The following PARP4 variants were observed in gnomAD, a reference collection of about 807,000 sequenced individuals.
PARP4 encodes the protein protein mono-ADP-ribosyltransferase PARP4.
In PARP4, 120 loss-of-function variants were observed where a neutral mutation model predicts 187.7. The ratio of observed to expected loss-of-function variants is 0.64; its 90% CI spans 0.55 to 0.74. PARP4 has a LOEUF of 0.74. Ranked by LOEUF, PARP4 falls within the 30% of genes least tolerant of loss-of-function variation. PARP4 has a pLI of 0.00. For synonymous variants in PARP4, 654 were observed against 740.9 expected, an observed-to-expected ratio of 0.88 and a Z score of 1.90; for missense variants, 1,836 against 2,070.5, an observed-to-expected ratio of 0.89 and a Z score of 2.20.
Position 24,435,375 on chromosome 13 carries a change from C to T in PARP4, c.3766G>A (p.Glu1256Lys), listed in dbSNP as rs1331547961. The change falls in exon 31 of 34, where the codon GAA becomes AAA. Residue 1256 changes from glutamate (E) to lysine (K), a missense_variant. Coordinates refer to ENST00000381989, the MANE Select transcript of PARP4 (RefSeq NM_006437.4). The stretch of plus-strand genomic sequence containing the variant: ...TCCTCTTCAAAATCTTCAGAAACTT[C>T]TGGCTGAGATAATTCCATTTTTCTT... ...SKRKMELSQP[E>K]VSEDFEEDGL... 6.2e-7 allele frequency: 1 copy of T among 1,612,588 alleles called. No individual in the cohort carries two copies. The highest frequency in any genetic ancestry group is 1.7e-5 in the Admixed American group (1 of 59,990).
At chr13:24,511,820 A>G (rs985271329) in intron 1 of PARP4, among the ~76,000 whole-genome samples, 8 of 152,234 alleles carry the variant, frequency 5.3e-5, no homozygotes, top group African/African-American at 1.4e-4. Flanking sequence ...GCCTTCTGAC[A>G]CTATTTGCAT....
intron 25 of PARP4, among the ~76,000 whole-genome samples, chr13:24,448,856 T>C (rs1158419359): frequency 6.6e-6 from 1 of 152,144 alleles, no homozygotes; most frequent in African/African-American, 2.4e-5. Flanking sequence ...CTAAGTGAAA[T>C]AAGCCAGACA....
Position 24,488,167 on chromosome 13 carries a change from T to A in PARP4, c.1215-1862A>T, listed in dbSNP as rs183844022. Among the ~76,000 whole-genome samples the A allele has an allele frequency of 4.5e-3, 686 of 152,204 alleles. 3 individuals carry two copies. The highest frequency in any genetic ancestry group is 0.014 in the African/African-American group (599 of 41,556). On this transcript the variant is annotated intron_variant, in intron 10 of 33. Transcript: ENST00000381989. ...CTCAGGTAGCCCTGGAGGGCTGAAC[T>A]GCAGCTGCCACTCCCGGGGCTTGAC...
chr13:24,477,892 CA>C, intron 13 of PARP4, 35 bp from the exon 14 acceptor site: 2 of 1,476,702 alleles, frequency 1.4e-6, no homozygotes, highest in African/African-American at 2.8e-5. Flanking sequence ...TGATTAACAA[CA>C]GAAGCAACAA....
At chr13:24,505,168 AAG>A (rs988888822) in intron 1 of PARP4, among the ~76,000 whole-genome samples, 2 of 151,864 alleles carry the variant, frequency 1.3e-5, no homozygotes, top group African/African-American at 2.4e-5. Flanking sequence ...AGGAGAAAGA[AAG>A]AGAGAGGAGA....
chr13:24,462,416 A>G (rs1872254586), intron 17 of PARP4, among the ~76,000 whole-genome samples: 1 of 152,228 alleles, frequency 6.6e-6, no homozygotes, highest in African/African-American at 2.4e-5. Flanking sequence ...TTCAACCCCT[A>G]CACTAACCTG....
chr13:24,456,417 A>G lies in PARP4; in HGVS notation c.2486T>C (p.Phe829Ser). ...MEGSSLDSSG[F>S]SLHIGLSAAY... Reference sequence around the variant, plus strand: ...AGCAGACAAACCGATGTGGAGAGAAAATCCACTGCTGTCTAAGGAGCTGCC... The same window carrying G: ...AGCAGACAAACCGATGTGGAGAGAAGATCCACTGCTGTCTAAGGAGCTGCC... Residue 829 changes from phenylalanine to serine, a missense_variant, in exon 21 of 34, where the codon TTT becomes TCT. Phe to Ser is a radical substitution (Grantham distance 155, BLOSUM62 -2). Around this residue, in one of 8 missense-constraint regions of PARP4, gnomAD observed 1,147 missense variants for 1,214.2 expected, o/e 0.94. Transcript: ENST00000381989. 1 of 1,612,080 alleles carries G rather than the reference A, an allele frequency of 6.2e-7. No individual in the cohort carries two copies. The highest frequency in any genetic ancestry group is 1.3e-5 in the African/African-American group (1 of 75,026).
At position 24,434,516 on chromosome 13, in the gene PARP4, C is replaced by A; in HGVS notation, c.4625G>T (p.Cys1542Phe). 1 of 1,614,016 alleles carries A rather than the reference C, an allele frequency of 6.2e-7. No homozygotes were observed. The highest frequency in any genetic ancestry group is 1.3e-5 in the African/African-American group (1 of 75,066). The change falls in exon 31 of 34, where the codon TGT (cysteine) becomes TTT (phenylalanine). Residue 1542 changes from cysteine (C) to phenylalanine (F), a missense_variant. Cys to Phe is a radical substitution (Grantham distance 205). Around this residue, in one of 8 missense-constraint regions of PARP4, gnomAD observed 450 missense variants for 439.2 expected, o/e 1.02. Coordinates refer to ENST00000381989, the MANE Select transcript of PARP4 (RefSeq NM_006437.4). ...CAGGATACTGTCATCTTTTGTATCA[C>A]ATTTTATTTGTAAAAAGCAGCTGTC... ...LQDSCFLQIK[C>F]DTKDDSILCF...
chr13:24,477,078 A>G (rs1286994345), intron 14 of PARP4, among the ~76,000 whole-genome samples: 1 of 152,218 alleles, frequency 6.6e-6, no homozygotes, highest in Admixed American at 6.5e-5. Flanking sequence ...GCAAGGTTCC[A>G]CAGGTTTTAG....
intron 30 of PARP4, among the ~76,000 whole-genome samples, chr13:24,438,521 AATGATTTACTT>A (rs1203202369): frequency 6.6e-6 from 1 of 152,152 alleles, no homozygotes. Context: ...GAATTTTACA[AATGATTTACTT>A]TAAAAACTTG....
At chr13:24,496,835 C>T (rs1401051190) in intron 6 of PARP4, among the ~76,000 whole-genome samples, 1 of 152,132 alleles carries the variant, frequency 6.6e-6, no homozygotes, top group Admixed American at 6.5e-5. Context: ...CCAGCCTGGC[C>T]AACATGGTGA....
At position 24,469,004 on chromosome 13, in the gene PARP4, G is replaced by A. The variant is rs772644117; in HGVS notation, c.2133+20C>T. 9 of 1,549,876 alleles carry A rather than the reference G, an allele frequency of 5.8e-6. No homozygotes were observed. The highest frequency in any genetic ancestry group is 5.0e-5 in the Admixed American group (3 of 59,746). On this transcript the variant is annotated intron_variant, in intron 17 of 33. Coordinates refer to ENST00000381989, the MANE Select transcript of PARP4 (RefSeq NM_006437.4). ...TCTTTCCCTCTCCTGTATGCATGCG[G>A]CATGCACACCAAGCCATACCGGAGC...
rs1484468922 is a variant in PARP4 at position 24,451,162 on chromosome 13, A to T, written c.3014+1244T>A. ...ACTGAGGAAGGCATGAATAGGTGCC[A>T]GTACCTCTGCCCTGTGGTGTCTGAG... On this transcript the variant is annotated intron_variant, in intron 24 of 33. Transcript: ENST00000381989. Among the ~76,000 whole-genome samples, 7 of 152,344 alleles carry T rather than the reference A, an allele frequency of 4.6e-5. No individual in the cohort carries two copies. The East Asian group carries it at 1.4e-3, about 29-fold the overall frequency.
intron 32 of PARP4, among the ~76,000 whole-genome samples, 186 bp from the exon 33 acceptor site, chr13:24,426,784 C>A (rs1417101694): frequency 1.4e-5 from 2 of 147,566 alleles, no homozygotes; most frequent in Non-Finnish European, 3.0e-5. Context: ...CCCAGCTACT[C>A]GGGAGGCTGA....
intron 5 of PARP4, 117 bp downstream of exon 5, chr13:24,499,184 A>G: frequency 9.5e-7 from 1 of 1,053,924 alleles, no homozygotes; most frequent in Non-Finnish European, 1.3e-6. Context: ...TATGATATTC[A>G]GGATATGCAT....
At chr13:24,451,838 AT>A (rs1871535172) in intron 24 of PARP4, 1 of 152,690 alleles carries the variant, frequency 6.5e-6, no homozygotes, top group Non-Finnish European at 1.5e-5. Flanking sequence ...AATTCCAACA[AT>A]GTAGGGGTGT....
chr13:24,511,277 A>AC (rs1282309672), intron 1 of PARP4, among the ~76,000 whole-genome samples: 1 of 152,176 alleles, frequency 6.6e-6, no homozygotes, highest in Non-Finnish European at 1.5e-5. Flanking sequence ...CGCCTAACCG[A>AC]CATGCGCCAC....
chr13:24,433,734 C>G (rs1433471768), intron 31 of PARP4, among the ~76,000 whole-genome samples: 3 of 131,536 alleles, frequency 2.3e-5, no homozygotes, highest in African/African-American at 6.3e-5. Flanking sequence ...GAGGCTCAGA[C>G]AGGTTACCTG....
intron 15 of PARP4, among the ~76,000 whole-genome samples, chr13:24,471,015 C>G (rs761622199): frequency 6.6e-6 from 1 of 152,154 alleles, no homozygotes; most frequent in African/African-American, 2.4e-5. Context: ...AGGAGGCAAA[C>G]GTGCGTCCTG....
Sources: gnomAD v4.1 joint callset for allele counts (sites outside exome capture counted in the v4.1 genomes callset) on GRCh38, gnomAD v4.1.1 for gene constraint, gnomAD v4.1.1 regional missense constraint, MANE v1.5 for transcripts, NCBI Gene and HGNC (gene_info 2026-07-23, HGNC 2026-07-21) for gene names.